RABGEF1: variants seen among roughly 807,000 people sequenced by gnomAD.
The protein encoded by RABGEF1 is RAB guanine nucleotide exchange factor 1, also known as rab5 GDP/GTP exchange factor.
RABGEF1 carries 26 observed loss-of-function variants against 57.3 expected under a neutral mutation model. The ratio of observed to expected loss-of-function variants is 0.45; its 90% CI spans 0.33 to 0.63. RABGEF1 has a LOEUF of 0.63. RABGEF1 is among the 20% of genes least tolerant of loss of function. The probability of loss-of-function intolerance (pLI) is 0.02; values close to 1 mark genes in which losing one functional copy is unlikely to be tolerated. For missense variants in RABGEF1, 464 were observed against 607.6 expected (o/e 0.76, Z 2.48); for synonymous variants, 185 against 210.7 (o/e 0.88, Z 1.06).
chr7:66,797,792 A>G lies in RABGEF1; in HGVS notation c.728+286A>G, dbSNP rs542266113. The stretch of plus-strand genomic sequence containing the variant: ...AATAGGGGGACTGTGTTCTTGGTCC[A>G]TTACCATCTCCTCAAGTGGGAAGCT... On this transcript the variant is annotated intron_variant, in intron 6 of 8. Coordinates refer to ENST00000284957, the MANE Select transcript of RABGEF1 (RefSeq NM_014504.3). 1.8e-4 allele frequency among the ~76,000 whole-genome samples: 28 copies of G among 152,312 alleles called. No homozygotes were observed. In the South Asian group the frequency reaches 5.4e-3, roughly 29 times the overall value.
At chr7:66,737,099 A>C (rs112927769), upstream of RABGEF1, among the ~76,000 whole-genome samples, 149 of 102,878 alleles carry the variant, frequency 1.4e-3, 2 homozygotes, top group African/African-American at 3.0e-3. Context: ...AGAGCGAGAG[A>C]GAGAGAGAGA....
intron 3 of RABGEF1, among the ~76,000 whole-genome samples, chr7:66,781,234 T>G (rs1271281666): frequency 6.6e-6 from 1 of 152,202 alleles, no homozygotes; most frequent in East Asian, 1.9e-4. Flanking sequence ...GAATACATCT[T>G]TAACTTACCT....
At chr7:66,695,172 C>T (rs1182571251) in intron 1 of RABGEF1, among the ~76,000 whole-genome samples, 4 of 152,112 alleles carry the variant, frequency 2.6e-5, no homozygotes, top group African/African-American at 7.2e-5. Flanking sequence ...ATAAGCCGGG[C>T]ACGGTGGCGT....
At chr7:66,755,592 G>T (rs1306902207) in intron 1 of RABGEF1, among the ~76,000 whole-genome samples, 1 of 152,244 alleles carries the variant, frequency 6.6e-6, no homozygotes, top group Admixed American at 6.5e-5. Context: ...TTTTTGGTCA[G>T]TAACTTAGTG....
chr7:66,704,998 T>C (rs1793799990), intron 1 of RABGEF1, among the ~76,000 whole-genome samples: 2 of 152,218 alleles, frequency 1.3e-5, no homozygotes, highest in Non-Finnish European at 2.9e-5. Context: ...AGGATTCTTG[T>C]ACATGTTTTG....
At chr7:66,693,579 C>G (rs1479845439) in intron 1 of RABGEF1, among the ~76,000 whole-genome samples, 8 of 152,108 alleles carry the variant, frequency 5.3e-5, no homozygotes, top group Non-Finnish European at 1.2e-4. Context: ...ACCCACCCTG[C>G]CCTCTCCCAT....
intron 4 of RABGEF1, among the ~76,000 whole-genome samples, 186 bp from the exon 5 acceptor site, chr7:66,795,325 C>T (rs1813767027): frequency 6.6e-6 from 1 of 152,174 alleles, no homozygotes; most frequent in South Asian, 2.1e-4. Flanking sequence ...AAAAGTCCGG[C>T]AACAATGGAT....
At chr7:66,752,958 A>T (rs1801776132) in intron 1 of RABGEF1, among the ~76,000 whole-genome samples, 1 of 152,232 alleles carries the variant, frequency 6.6e-6, no homozygotes, top group Non-Finnish European at 1.5e-5. Flanking sequence ...CCTAGAAAAC[A>T]TCTATTGAGC....
chr7:66,728,939 T>C (rs990005621), intron 2 of RABGEF1, among the ~76,000 whole-genome samples: 74 of 148,298 alleles, frequency 5.0e-4, no homozygotes, highest in Middle Eastern at 3.6e-3. Context: ...CAAATCTCCA[T>C]CTTCACCTCC....
chr7:66,744,594 G>A (rs924740973), intron 1 of RABGEF1, among the ~76,000 whole-genome samples: 1 of 151,108 alleles, frequency 6.6e-6, no homozygotes, highest in African/African-American at 2.4e-5. Context: ...CGTGAACCTG[G>A]GAGGTGGAAC....
At chr7:66,658,698 C>T in the RABGEF1 span, among the ~76,000 whole-genome samples, 1 of 152,160 alleles carries the variant, frequency 6.6e-6, no homozygotes, top group East Asian at 1.9e-4. Flanking sequence ...CAATCCTTTG[C>T]AAACTCTTTC....
intron 1 of RABGEF1, among the ~76,000 whole-genome samples, chr7:66,707,081 G>A (rs904715217): frequency 3.9e-5 from 6 of 152,094 alleles, no homozygotes; most frequent in African/African-American, 1.4e-4. Context: ...CACCGCGCCC[G>A]GCCCGTACTG....
At chr7:66,749,424 A>G (rs1800921411) in intron 1 of RABGEF1, among the ~76,000 whole-genome samples, 1 of 152,170 alleles carries the variant, frequency 6.6e-6, no homozygotes, top group South Asian at 2.1e-4. Flanking sequence ...TGTTTTCTAA[A>G]TGTGTTCCTC....
Position 66,767,452 on chromosome 7 carries a change from T to G in RABGEF1, c.-17-4431T>G, listed in dbSNP as rs570616820. Among the ~76,000 whole-genome samples, 5 of 152,342 alleles carry G rather than the reference T, an allele frequency of 3.3e-5. No homozygotes were observed. The South Asian group carries it at 1.0e-3, about 32-fold the overall frequency. ...ATCACCCCAAAAAACTTTCTCGTGC[T>G]AATCCTTTATAGTCACATTCTTTCC... On this transcript the variant is annotated intron_variant, in intron 1 of 8. Coordinates refer to ENST00000284957, the MANE Select transcript of RABGEF1 (RefSeq NM_014504.3).
At chr7:66,727,042 A>G (rs1562741395) in intron 2 of RABGEF1, among the ~76,000 whole-genome samples, 2 of 152,230 alleles carry the variant, frequency 1.3e-5, no homozygotes, top group African/African-American at 2.4e-5. Context: ...GACTGTGGAA[A>G]TGATTGCACA....
intron 1 of RABGEF1, among the ~76,000 whole-genome samples, chr7:66,756,964 A>G (rs1802881935): frequency 6.6e-6 from 1 of 152,158 alleles, no homozygotes; most frequent in Admixed American, 6.5e-5. Flanking sequence ...TTGTGTTCAC[A>G]GTCTTCTAAC....
intron 1 of RABGEF1, among the ~76,000 whole-genome samples, chr7:66,745,014 A>G (rs1419562687): frequency 6.6e-6 from 1 of 151,830 alleles, no homozygotes; most frequent in Non-Finnish European, 1.5e-5. Context: ...AACATGGTAA[A>G]ACCCCATCTC....
At chr7:66,779,597 G>A (rs1040111488) in intron 3 of RABGEF1, among the ~76,000 whole-genome samples, 2 of 151,684 alleles carry the variant, frequency 1.3e-5, no homozygotes, top group African/African-American at 4.8e-5. Context: ...ATTTGTGCCT[G>A]GGAGGTTGAG....
intron 1 of RABGEF1, among the ~76,000 whole-genome samples, chr7:66,769,709 A>G (rs1056466093): frequency 2.0e-5 from 3 of 152,190 alleles, no homozygotes; most frequent in South Asian, 4.1e-4. Flanking sequence ...CTCAAGTTTT[A>G]TGTCTTAAGA....
Sources: gnomAD v4.1 joint callset for allele counts (sites outside exome capture counted in the v4.1 genomes callset) on GRCh38, gnomAD v4.1.1 for gene constraint, MANE v1.5 for transcripts, NCBI Gene and HGNC (gene_info 2026-07-23, HGNC 2026-07-21) for gene names.